Variants in GNAL observed in about 807,000 individuals in gnomAD.
GNAL encodes G protein subunit alpha L.
A neutral mutation model predicts 55.1 loss-of-function variants in GNAL; 18 were observed. That is an observed-to-expected ratio of 0.33 (90% CI 0.23 to 0.48). The LOEUF (loss-of-function observed/expected upper bound fraction) is 0.48. Among genes scored for constraint, GNAL ranks in the 20% least tolerant of loss-of-function variants. The pLI is 0.99. For synonymous variants in GNAL, 253 were observed against 237.0 expected, an observed-to-expected ratio of 1.07 and a Z score of -0.62; for missense variants, 412 against 614.1, an observed-to-expected ratio of 0.67 and a Z score of 3.48.
chr18:11,864,521 TCTTGTTCC>T lies in GNAL; in HGVS notation c.778-10_778-3del. 1 of 1,462,192 alleles carries T rather than the reference TCTTGTTCC, an allele frequency of 6.8e-7. No individual in the cohort carries two copies. Among genetic ancestry groups the T allele is most frequent in the South Asian group, 1.1e-5 (1 of 87,970 alleles). The allele number at this position is 1,462,192 out of a possible 1,614,324, so 90.6% of individuals were successfully genotyped here. A position where few individuals can be genotyped will look rare whatever the true frequency, so the allele number is the denominator to read the frequency against. ...AATGTAACTCAGCTTGTTTCCCTCT[TCTTGTTCC>T]CAGGACCTCCTCAGATGCAGAGTTC... On this transcript the variant is annotated splice_polypyrimidine_tract_variant and splice_region_variant and intron_variant, in intron 6 of 11. Transcript: ENST00000334049.
chr18:11,807,444 A>G (rs2034694507), intron 4 of GNAL, among the ~76,000 whole-genome samples: 3 of 152,224 alleles, frequency 2.0e-5, no homozygotes, highest in African/African-American at 7.2e-5. Flanking sequence ...GAATCTGGAT[A>G]GATTCTCAAG....
chr18:11,842,694 T>G (rs2035646077), intron 5 of GNAL, among the ~76,000 whole-genome samples: 1 of 151,978 alleles, frequency 6.6e-6, no homozygotes, highest in Non-Finnish European at 1.5e-5. Flanking sequence ...GGAGCTCAAG[T>G]GGTAATGCGA....
At chr18:11,793,832 A>T (rs2034302916) in intron 4 of GNAL, among the ~76,000 whole-genome samples, 1 of 147,488 alleles carries the variant, frequency 6.8e-6, no homozygotes, top group Admixed American at 7.0e-5. Flanking sequence ...CTGAGGCTGG[A>T]GCGGGAGTCA....
Position 11,881,630 on chromosome 18 carries a change from G to A in GNAL, c.*495G>A, listed in dbSNP as rs948614493. The A allele has an allele frequency of 6.5e-6, 1 of 153,192 alleles. No individual in the cohort carries two copies. The highest frequency in any genetic ancestry group is 2.4e-5 in the African/African-American group (1 of 41,464). The allele number at this position is 153,192 out of a possible 1,614,324, so 9.5% of individuals were successfully genotyped here. A position where few individuals can be genotyped will look rare whatever the true frequency, so the allele number is the denominator to read the frequency against. ...GACTTGGAGTCGACCCCAAGCGACAGAGTGACCAGAAACCCTTTTACAGTC... is the reference window on the plus strand; with the variant it reads ...GACTTGGAGTCGACCCCAAGCGACAAAGTGACCAGAAACCCTTTTACAGTC... On this transcript the variant is annotated 3_prime_UTR_variant, in exon 12 of 12. Transcript: ENST00000334049. This position sits in a 1 kb window ranked among gnomAD's most constrained non-coding sequence, Gnocchi z 4.8.
chr18:11,748,351 C>T (rs144142734), intron 1 of GNAL, among the ~76,000 whole-genome samples: 1,542 of 152,270 alleles, frequency 0.01, 13 homozygotes, highest in Middle Eastern at 0.048. Context: ...CTCTCAGTCT[C>T]TGTAAAATGA....
chr18:11,789,985 A>T lies in GNAL; in HGVS notation c.625-34933A>T, dbSNP rs531518446. 4.6e-5 allele frequency among the ~76,000 whole-genome samples: 7 copies of T among 152,398 alleles called. No individual in the cohort carries two copies. In the East Asian group the frequency reaches 1.3e-3, roughly 29 times the overall value. On this transcript the variant is annotated intron_variant, in intron 4 of 11. Coordinates refer to ENST00000334049, the MANE Select transcript of GNAL (RefSeq NM_182978.4). Reference sequence around the variant, plus strand: ...AACACAGGAATAGTTGAAGAAGGTCAGACTCAGATCACTGATGATGCAAAT... The same window carrying T: ...AACACAGGAATAGTTGAAGAAGGTCTGACTCAGATCACTGATGATGCAAAT...
chr18:11,846,633 ATTTTTAT>A (rs2035747132), intron 5 of GNAL, among the ~76,000 whole-genome samples: 1 of 151,750 alleles, frequency 6.6e-6, no homozygotes, highest in Admixed American at 6.6e-5. Flanking sequence ...TGCCCAGCTA[ATTTTTAT>A]TTTTTATTTT....
chr18:11,768,971 A>AT (rs1288453524), intron 4 of GNAL, among the ~76,000 whole-genome samples: 22 of 105,000 alleles, frequency 2.1e-4, no homozygotes, highest in African/African-American at 8.2e-4. Flanking sequence ...ATAATATATT[A>AT]TATATATTAT....
intron 5 of GNAL, among the ~76,000 whole-genome samples, chr18:11,854,970 T>A (rs1338433020): frequency 6.6e-6 from 1 of 152,216 alleles, no homozygotes; most frequent in Non-Finnish European, 1.5e-5. Context: ...TCGCCCAGGC[T>A]GAAGTGCCAC....
At chr18:11,876,719 A>G (rs1269926929) in intron 11 of GNAL, 31 bp downstream of exon 11, 1 of 1,195,086 alleles carries the variant, frequency 8.4e-7, no homozygotes, top group Non-Finnish European at 1.3e-6. Flanking sequence ...TTGTTTTTCT[A>G]CCTCCCTTCT....
intron 10 of GNAL, 66 bp downstream of exon 10, chr18:11,872,464 C>T (rs2036419332): frequency 3.0e-6 from 3 of 984,096 alleles, no homozygotes; most frequent in Non-Finnish European, 4.6e-6. Context: ...TCCTGTAACT[C>T]TAATTCACAT....
At chr18:11,832,252 A>T (rs1229834897) in intron 5 of GNAL, among the ~76,000 whole-genome samples, 1 of 152,232 alleles carries the variant, frequency 6.6e-6, no homozygotes, top group South Asian at 2.1e-4. Flanking sequence ...TCTTATGCTC[A>T]GTACGACACA....
At chr18:11,746,810 T>G (rs955643454) in intron 1 of GNAL, 1 of 484,760 alleles carries the variant, frequency 2.1e-6, no homozygotes, top group Non-Finnish European at 4.1e-6. Context: ...CCCTGATTTA[T>G]TGGTTGCTGG....
Position 11,884,647 on chromosome 18 carries a change from G to A in GNAL, c.*3512G>A. ...GCTACCCTGGAAAGGAGAAGGGAAA[G>A]TTATGCTGAGAGCACCAGGCACACG... On this transcript the variant is annotated 3_prime_UTR_variant, in exon 12 of 12. Coordinates refer to ENST00000334049, the MANE Select transcript of GNAL (RefSeq NM_182978.4). 2 of 1,610,036 alleles carry A rather than the reference G, an allele frequency of 1.2e-6. No individual in the cohort carries two copies. Among genetic ancestry groups the A allele is most frequent in the Non-Finnish European group, 1.7e-6 (2 of 1,177,174 alleles).
intron 1 of GNAL, among the ~76,000 whole-genome samples, chr18:11,725,022 T>C (rs1402924501): frequency 1.3e-5 from 2 of 152,154 alleles, no homozygotes; most frequent in Non-Finnish European, 2.9e-5. Context: ...GAGAGCAGCT[T>C]GCACAGCAGC....
At chr18:11,820,146 A>T (rs1176376475) in intron 4 of GNAL, among the ~76,000 whole-genome samples, 1 of 152,196 alleles carries the variant, frequency 6.6e-6, no homozygotes, top group Admixed American at 6.5e-5. Flanking sequence ...TCTCTGCGAT[A>T]AAGGTCACTC....
intron 5 of GNAL, chr18:11,851,272 A>G (rs1472534464): frequency 4.1e-6 from 2 of 484,480 alleles, no homozygotes; most frequent in Non-Finnish European, 7.2e-6. Context: ...GTCCAGCCAG[A>G]ATCCCCCTGC....
In GNAL at chr18:11,884,373, A is replaced by G; in HGVS notation, c.*3238A>G. The G allele has an allele frequency of 1.4e-6, 2 of 1,470,682 alleles. No individual in the cohort carries two copies. The highest frequency in any genetic ancestry group is 2.4e-5 in the South Asian group (2 of 82,900). The allele number at this position is 1,470,682 out of a possible 1,614,324, so 91.1% of individuals were successfully genotyped here. ...CGGCCTGTAATTGGTCTCATCATCC[A>G]CTTGATTCTAACATGATCTCTGCCC... On this transcript the variant is annotated 3_prime_UTR_variant, in exon 12 of 12. Transcript: ENST00000334049.
At chr18:11,806,879 T>C (rs2034676516) in intron 4 of GNAL, among the ~76,000 whole-genome samples, 1 of 152,154 alleles carries the variant, frequency 6.6e-6, no homozygotes, top group Non-Finnish European at 1.5e-5. Context: ...AAAAATAACC[T>C]GCAGCTCGAG....
Sources: allele counts gnomAD v4.1 joint callset (sites outside exome capture counted in the v4.1 genomes callset), GRCh38; gene constraint gnomAD v4.1.1; non-coding constraint Gnocchi (gnomAD v3.1); transcripts MANE v1.5; gene names NCBI Gene and HGNC (gene_info 2026-07-23, HGNC 2026-07-21).